SLC25A31: variants seen among roughly 807,000 people sequenced by gnomAD.
SLC25A31 encodes solute carrier family 25 member 31, also known as ADP/ATP translocase 4.
SLC25A31 carries 40 observed loss-of-function variants against 36.2 expected under a neutral mutation model. The ratio of observed to expected loss-of-function variants is 1.10; its 90% confidence interval spans 0.86 to 1.44. The LOEUF (loss-of-function observed/expected upper bound fraction) is 1.44. SLC25A31 is among the 40% of genes most tolerant of loss of function. The pLI is 0.00. For missense variants in SLC25A31, 350 were observed against 397.1 expected (o/e 0.88, Z 1.01); for synonymous variants, 143 against 149.7 (o/e 0.96, Z 0.32).
At chr4:127,762,526 T>C (rs796232247) in intron 2 of SLC25A31, among the ~76,000 whole-genome samples, 2 of 152,324 alleles carry the variant, frequency 1.3e-5, no homozygotes, top group African/African-American at 4.8e-5. Context: ...TCTGTGAATA[T>C]ATTAACAATT....
chr4:127,735,449 C>T (rs549454105), intron 1 of SLC25A31, among the ~76,000 whole-genome samples: 52 of 152,234 alleles, frequency 3.4e-4, no homozygotes, highest in African/African-American at 1.2e-3. Context: ...TCCCAATCTT[C>T]ATATATTGTT....
intron 2 of SLC25A31, among the ~76,000 whole-genome samples, chr4:127,753,580 G>A (rs189206281): frequency 1.3e-5 from 2 of 152,184 alleles, no homozygotes; most frequent in Admixed American, 1.3e-4. Flanking sequence ...ATGTAGCCTG[G>A]AAGAAATGGA....
intron 2 of SLC25A31, among the ~76,000 whole-genome samples, chr4:127,756,685 TA>T (rs1490052199): frequency 6.6e-6 from 1 of 152,190 alleles, no homozygotes; most frequent in Non-Finnish European, 1.5e-5. Context: ...ACCCCATAAA[TA>T]TATACAATTA....
chr4:127,755,438 T>G (rs1732011442), intron 2 of SLC25A31, among the ~76,000 whole-genome samples: 1 of 152,156 alleles, frequency 6.6e-6, no homozygotes, highest in African/African-American at 2.4e-5. Context: ...TCAAATACTT[T>G]CATAATATAA....
chr4:127,743,253 C>T lies in SLC25A31; in HGVS notation c.233-1419C>T, dbSNP rs368910057. On this transcript the variant is annotated intron_variant, in intron 1 of 5. Coordinates refer to ENST00000281154, the MANE Select transcript of SLC25A31 (RefSeq NM_031291.4). ...TCAAGAAATCCTCCTACTTCAGCCT[C>T]CTGAGTAGTTGGAACTACAGGCACA... 7.2e-3 allele frequency among the ~76,000 whole-genome samples: 1,094 copies of T among 151,832 alleles called. 13 individuals are homozygous for T. The highest frequency in any genetic ancestry group is 0.025 in the African/African-American group (1,055 of 41,374).
intron 1 of SLC25A31, among the ~76,000 whole-genome samples, chr4:127,742,381 G>A (rs192012726): frequency 1.8e-3 from 276 of 152,186 alleles, no homozygotes; most frequent in Non-Finnish European, 3.3e-3. Context: ...CTAACCCTTC[G>A]CCTGTCATGA....
At chr4:127,745,584 G>A (rs1385920453) in intron 2 of SLC25A31, among the ~76,000 whole-genome samples, 1 of 152,080 alleles carries the variant, frequency 6.6e-6, no homozygotes, top group Non-Finnish European at 1.5e-5. Flanking sequence ...GCAAGTCTTT[G>A]TGGAACATTT....
chr4:127,770,483 A>G (rs4833390), intron 5 of SLC25A31, among the ~76,000 whole-genome samples: 107,590 of 151,742 alleles, frequency 0.71, 38,603 homozygotes, highest in Middle Eastern at 0.8. Flanking sequence ...AAAATTAGCC[A>G]GGCGTGGTGG....
At chr4:127,766,846 T>C (rs898002482) in intron 3 of SLC25A31, among the ~76,000 whole-genome samples, 2 of 152,232 alleles carry the variant, frequency 1.3e-5, no homozygotes, top group Admixed American at 6.5e-5. Context: ...TTGAAGTAAA[T>C]TGTTTTCATG....
intron 2 of SLC25A31, among the ~76,000 whole-genome samples, chr4:127,763,232 T>G (rs1305872497): frequency 6.6e-6 from 1 of 152,152 alleles, no homozygotes; most frequent in Non-Finnish European, 1.5e-5. Context: ...GGGTTGGAGA[T>G]CAGATATTTC....
At chr4:127,752,111 C>T (rs893425642) in intron 2 of SLC25A31, among the ~76,000 whole-genome samples, 4 of 152,202 alleles carry the variant, frequency 2.6e-5, no homozygotes, top group Non-Finnish European at 4.4e-5. Flanking sequence ...TATAAAGACA[C>T]ATGCATACGT....
At chr4:127,765,929 C>T (rs1267520274) in intron 3 of SLC25A31, among the ~76,000 whole-genome samples, 1 of 151,968 alleles carries the variant, frequency 6.6e-6, no homozygotes, top group Non-Finnish European at 1.5e-5. Context: ...TTTTCTCTTT[C>T]AAATCAGGAA....
chr4:127,744,120 C>T (rs917490793), intron 1 of SLC25A31, among the ~76,000 whole-genome samples: 1 of 152,202 alleles, frequency 6.6e-6, no homozygotes, highest in African/African-American at 2.4e-5. Flanking sequence ...CTTCCCATCT[C>T]TCCCTCAGTT....
At chr4:127,743,923 G>A (rs1420684730) in intron 1 of SLC25A31, among the ~76,000 whole-genome samples, 1 of 152,166 alleles carries the variant, frequency 6.6e-6, no homozygotes, top group African/African-American at 2.4e-5. Context: ...GAACAGCAAG[G>A]CCAAAGCATT....
Position 127,730,679 on chromosome 4 carries a change from A to C in SLC25A31, c.134A>C (p.Lys45Thr), listed in dbSNP as rs1364495765. ...KTAVAPIERV[K>T]LLLQVQASSK... is the part of the protein sequence containing the mutation. ...GCGGTGGCGCCCATCGAGCGGGTGA[A>C]GCTGCTGCTGCAGGTGCAGGCGTCG... Residue 45 changes from lysine to threonine, a missense_variant, in exon 1 of 6, where the codon AAG becomes ACG. Coordinates refer to ENST00000281154, the MANE Select transcript of SLC25A31 (RefSeq NM_031291.4). 1.2e-6 allele frequency: 2 copies of C among 1,613,792 alleles called. No homozygotes were observed. The highest frequency in any genetic ancestry group is 2.7e-5 in the African/African-American group (2 of 74,940).
intron 1 of SLC25A31, among the ~76,000 whole-genome samples, chr4:127,735,926 G>T (rs1357081498): frequency 4.7e-5 from 6 of 128,462 alleles, no homozygotes; most frequent in Non-Finnish European, 7.9e-5. Flanking sequence ...GTCTCGCTCT[G>T]TCGCCCAGGC....
At chr4:127,754,123 A>T (rs932485922) in intron 2 of SLC25A31, among the ~76,000 whole-genome samples, 1 of 152,132 alleles carries the variant, frequency 6.6e-6, no homozygotes, top group African/African-American at 2.4e-5. Flanking sequence ...AAAACTCAGC[A>T]AGTTAGGCAT....
intron 3 of SLC25A31, among the ~76,000 whole-genome samples, 165 bp downstream of exon 3, chr4:127,764,525 T>C (rs1014874451): frequency 1.3e-5 from 2 of 152,214 alleles, no homozygotes; most frequent in Non-Finnish European, 2.9e-5. Context: ...ACTTGCTTCT[T>C]TTCCCTTAAA....
intron 2 of SLC25A31, among the ~76,000 whole-genome samples, chr4:127,756,590 C>A (rs143965532): frequency 6.6e-6 from 1 of 152,054 alleles, no homozygotes; most frequent in African/African-American, 2.4e-5. Flanking sequence ...TAAATGTTCT[C>A]ACCACAAAAA....
Sources: gnomAD v4.1 joint callset for allele counts (sites outside exome capture counted in the v4.1 genomes callset) on GRCh38, gnomAD v4.1.1 for gene constraint, MANE v1.5 for transcripts, NCBI Gene and HGNC (gene_info 2026-07-23, HGNC 2026-07-21) for gene names.